PLCE1: variants seen among roughly 807,000 people sequenced by gnomAD.
PLCE1 encodes the protein 1-phosphatidylinositol 4,5-bisphosphate phosphodiesterase epsilon-1.
In PLCE1, 119 loss-of-function variants were observed where a neutral mutation model predicts 242.8. That is an observed-to-expected ratio of 0.49 (90% CI 0.42 to 0.57). The LOEUF (loss-of-function observed/expected upper bound fraction) is 0.57, where lower values mean the gene tolerates loss of function less well. Among genes scored for constraint, PLCE1 ranks in the 20% least tolerant of loss-of-function variants. The probability of loss-of-function intolerance (pLI) is 0.00; values close to 1 mark genes in which losing one functional copy is unlikely to be tolerated. For synonymous variants in PLCE1, 945 were observed against 1,017.4 expected, an observed-to-expected ratio of 0.93 and a Z score of 1.35; for missense variants, 2,441 against 2,788.8, an observed-to-expected ratio of 0.88 and a Z score of 2.81.
At chr10:94,045,965 TAA>T (rs59988453) in intron 2 of PLCE1, among the ~76,000 whole-genome samples, 38 of 149,062 alleles carry the variant, frequency 2.5e-4, no homozygotes, top group Middle Eastern at 3.4e-3. Flanking sequence ...CCAGGCGTGG[TAA>T]AAAAAAAAAA....
At chr10:94,204,709 A>G (rs188115968) in intron 4 of PLCE1, among the ~76,000 whole-genome samples, 1 of 150,596 alleles carries the variant, frequency 6.6e-6, no homozygotes, top group Admixed American at 6.7e-5. Flanking sequence ...GAAAGGAAGG[A>G]AGAAAAGAAG....
At chr10:94,211,794 G>A (rs145459858) in intron 4 of PLCE1, among the ~76,000 whole-genome samples, 187 of 152,222 alleles carry the variant, frequency 1.2e-3, no homozygotes, top group Middle Eastern at 0.01. Flanking sequence ...CACCCCAAGC[G>A]GTTTCTAGAG....
chr10:94,233,256 T>A (rs2050203328), intron 5 of PLCE1, among the ~76,000 whole-genome samples: 1 of 152,182 alleles, frequency 6.6e-6, no homozygotes, highest in Admixed American at 6.5e-5. Context: ...TCCCCCAAAA[T>A]GGGCTGGTGG....
chr10:94,216,455 A>T, intron 4 of PLCE1, among the ~76,000 whole-genome samples: 1 of 152,156 alleles, frequency 6.6e-6, no homozygotes, highest in East Asian at 1.9e-4. Context: ...TGATTTGCTG[A>T]ACAAGTATAT....
Position 94,278,060 on chromosome 10 carries a change from C to T in PLCE1, c.4666-1722C>T, listed in dbSNP as rs76003250. 7.8e-3 allele frequency among the ~76,000 whole-genome samples: 1,194 copies of T among 152,266 alleles called. 16 individuals carry two copies. Among genetic ancestry groups the T allele is most frequent in the African/African-American group, 0.028 (1,149 of 41,542 alleles). On this transcript the variant is annotated intron_variant, in intron 19 of 32. Transcript: ENST00000371380. ...ACCATGTCCAGTTATCTGGAATGGA[C>T]TGCTTTGTAATACATTTCATCTGGA...
intron 3 of PLCE1, among the ~76,000 whole-genome samples, chr10:94,164,261 C>G (rs1350236412): frequency 6.6e-6 from 1 of 152,166 alleles, no homozygotes; most frequent in African/African-American, 2.4e-5. Context: ...CAGCTTGGTT[C>G]CATTCTCCCC....
chr10:94,085,415 T>C (rs2044781115), intron 2 of PLCE1, among the ~76,000 whole-genome samples: 1 of 152,186 alleles, frequency 6.6e-6, no homozygotes, highest in Non-Finnish European at 1.5e-5. Flanking sequence ...AGATCTACTC[T>C]GAACTCCGGT....
chr10:94,266,693 A>G (rs1160127482), intron 16 of PLCE1, among the ~76,000 whole-genome samples: 1 of 152,190 alleles, frequency 6.6e-6, no homozygotes, highest in African/African-American at 2.4e-5. Context: ...TAAGTGTGTC[A>G]TTGTGTGCAC....
intron 4 of PLCE1, among the ~76,000 whole-genome samples, chr10:94,223,411 G>T (rs1437263626): frequency 6.6e-6 from 1 of 152,052 alleles, no homozygotes; most frequent in Non-Finnish European, 1.5e-5. Context: ...CCAAAGTAAA[G>T]ATTTGGCTTT....
rs1372069740 is a variant in PLCE1, at chr10:94,227,292, T to C, written c.1810-14T>C. The C allele has an allele frequency of 6.2e-7, 1 of 1,613,518 alleles. No individual in the cohort carries two copies. Among genetic ancestry groups the C allele is most frequent in the Admixed American group, 1.7e-5 (1 of 60,024 alleles). On this transcript the variant is annotated splice_polypyrimidine_tract_variant and intron_variant, in intron 4 of 32. Transcript: ENST00000371380. ...AGGACATAATTCCCGTGAATGTCTC[T>C]GTGTGTTTTCCAGGTGAGCTCCTGG...
At chr10:94,059,942 T>C (rs1589937502) in intron 2 of PLCE1, among the ~76,000 whole-genome samples, 1 of 152,248 alleles carries the variant, frequency 6.6e-6, no homozygotes, top group Non-Finnish European at 1.5e-5. Context: ...TTGAAGAAGG[T>C]ACCTGGGTTT....
chr10:94,111,929 G>A lies in PLCE1; in HGVS notation c.1207-20245G>A, dbSNP rs190622783. On this transcript the variant is annotated intron_variant, in intron 2 of 32. Coordinates refer to ENST00000371380, the MANE Select transcript of PLCE1 (RefSeq NM_016341.4). ...TTGCTTTCATGACCTGTTGTTGATCGTATCTTTGATTTATGTGAGGCCTAG... is the reference window on the plus strand; with the variant it reads ...TTGCTTTCATGACCTGTTGTTGATCATATCTTTGATTTATGTGAGGCCTAG... Among the ~76,000 whole-genome samples the A allele has an allele frequency of 5.3e-5, 8 of 152,254 alleles. No individual in the cohort carries two copies. In the South Asian group the frequency reaches 1.0e-3, roughly 20 times the overall value.
chr10:94,102,486 T>C (rs2045575019), intron 2 of PLCE1, among the ~76,000 whole-genome samples: 2 of 152,260 alleles, frequency 1.3e-5, no homozygotes, highest in Admixed American at 1.3e-4. Context: ...CCTTTTGCAT[T>C]TTGTTGATAA....
At chr10:94,067,563 G>T (rs1270875461) in intron 2 of PLCE1, among the ~76,000 whole-genome samples, 1 of 152,196 alleles carries the variant, frequency 6.6e-6, no homozygotes, top group Non-Finnish European at 1.5e-5. Context: ...TTTAATGCTG[G>T]TGATATTTAC....
At chr10:94,326,766 T>G (rs1283211001) in intron 32 of PLCE1, among the ~76,000 whole-genome samples, 1 of 152,256 alleles carries the variant, frequency 6.6e-6, no homozygotes, top group Non-Finnish European at 1.5e-5. Flanking sequence ...CAAGTAGATA[T>G]TTATTTTTTC....
intron 6 of PLCE1, 21 bp downstream of exon 6, chr10:94,234,333 C>T (rs369144323): frequency 7.4e-6 from 12 of 1,612,340 alleles, no homozygotes; most frequent in South Asian, 2.2e-5. Context: ...TCAGAATCAT[C>T]GTGGCCTGAA....
intron 16 of PLCE1, among the ~76,000 whole-genome samples, chr10:94,267,657 A>T (rs1387630088): frequency 6.6e-6 from 1 of 152,182 alleles, no homozygotes; most frequent in Non-Finnish European, 1.5e-5. Context: ...CTGAAAAGCC[A>T]TCTCATCTGT....
In PLCE1 at chr10:94,245,752, G is replaced by A. The variant is rs529030491; in HGVS notation, c.2421-194G>A. 3.9e-5 allele frequency among the ~76,000 whole-genome samples: 6 copies of A among 152,330 alleles called. No individual in the cohort carries two copies. The South Asian group carries it at 1.2e-3, about 32-fold the overall frequency. ...TCCACCCTCAGCCTCCCAAAGTGCT[G>A]GGATTACAGGCGTAAGCCACCACAC... On this transcript the variant is annotated intron_variant, in intron 7 of 32. Coordinates refer to ENST00000371380, the MANE Select transcript of PLCE1 (RefSeq NM_016341.4).
chr10:94,053,134 G>A (rs889204033), intron 2 of PLCE1, among the ~76,000 whole-genome samples: 1 of 152,192 alleles, frequency 6.6e-6, no homozygotes, highest in Non-Finnish European at 1.5e-5. Context: ...TAAGAGCTGG[G>A]CTCTGGAAGG....
Sources: allele counts gnomAD v4.1 joint callset (sites outside exome capture counted in the v4.1 genomes callset), GRCh38; gene constraint gnomAD v4.1.1; transcripts MANE v1.5; gene names NCBI Gene and HGNC (gene_info 2026-07-23, HGNC 2026-07-21).